Variants in RNF157 observed in about 807,000 individuals in gnomAD.
RNF157 encodes E3 ubiquitin ligase RNF157.
Under a neutral mutation model 88.3 loss-of-function variants are expected in RNF157, and 55 were observed. That is an observed-to-expected ratio of 0.62 (90% CI 0.50 to 0.78). The LOEUF (loss-of-function observed/expected upper bound fraction) is 0.78, where lower values mean the gene tolerates loss of function less well. Ranked by LOEUF, RNF157 falls within the 30% of genes least tolerant of loss-of-function variation. The pLI is 0.00. For synonymous variants in RNF157, 334 were observed against 341.2 expected, an observed-to-expected ratio of 0.98 and a Z score of 0.23; for missense variants, 788 against 860.8, an observed-to-expected ratio of 0.92 and a Z score of 1.06.
intron 2 of RNF157, among the ~76,000 whole-genome samples, chr17:76,178,584 A>G (rs1205688152): frequency 1.3e-5 from 2 of 152,370 alleles, no homozygotes; most frequent in East Asian, 3.9e-4. Flanking sequence ...GAACCTGTGC[A>G]AGGCACCACT....
chr17:76,186,350 AC>A (rs1222773168), intron 2 of RNF157, among the ~76,000 whole-genome samples: 6 of 151,658 alleles, frequency 4.0e-5, no homozygotes, highest in Admixed American at 6.6e-5. Flanking sequence ...TACTAAAAAT[AC>A]AAAAAATTAG....
At chr17:76,185,083 A>G (rs949288582) in intron 2 of RNF157, among the ~76,000 whole-genome samples, 5 of 152,228 alleles carry the variant, frequency 3.3e-5, no homozygotes, top group East Asian at 3.8e-4. Context: ...GATCCATTCT[A>G]TATCTCTCCT....
intron 1 of RNF157, among the ~76,000 whole-genome samples, chr17:76,238,543 C>A (rs1358018856): frequency 6.6e-6 from 1 of 152,178 alleles, no homozygotes; most frequent in Non-Finnish European, 1.5e-5. Context: ...TGGGGAACAG[C>A]CTTCCAGAGG....
At chr17:76,231,036 T>C (rs1191115997) in intron 1 of RNF157, among the ~76,000 whole-genome samples, 1 of 151,904 alleles carries the variant, frequency 6.6e-6, no homozygotes, top group Non-Finnish European at 1.5e-5. Flanking sequence ...CCTCCTGGGC[T>C]GAGGCGATCC....
At chr17:76,226,532 T>C in intron 1 of RNF157, 1 of 1,613,722 alleles carries the variant, frequency 6.2e-7, no homozygotes, top group African/African-American at 1.3e-5. Context: ...GTCGAACTCC[T>C]TCAAATCCAT....
Position 76,181,205 on chromosome 17 carries a change from T to C in RNF157, c.208-7415A>G, listed in dbSNP as rs545306728. Among the ~76,000 whole-genome samples, 33 of 152,284 alleles carry C rather than the reference T, an allele frequency of 2.2e-4. No individual in the cohort carries two copies. In the South Asian group the frequency reaches 6.4e-3, roughly 30 times the overall value. ...TAATCCTAGGAGTGTTCCAGGGACC[T>C]GAGCAGAGTTCGGGGAGTCTGAAAG... On this transcript the variant is annotated intron_variant, in intron 2 of 18. Coordinates refer to ENST00000269391, the MANE Select transcript of RNF157 (RefSeq NM_052916.3).
intron 2 of RNF157, among the ~76,000 whole-genome samples, chr17:76,198,819 T>C (rs2069521832): frequency 6.6e-6 from 1 of 152,192 alleles, no homozygotes; most frequent in African/African-American, 2.4e-5. Flanking sequence ...ACCAGGCCCC[T>C]TGGTCCAGGC....
intron 1 of RNF157, among the ~76,000 whole-genome samples, chr17:76,218,930 T>A (rs368185934): frequency 6.6e-6 from 1 of 150,792 alleles, no homozygotes; most frequent in East Asian, 1.9e-4. Flanking sequence ...CAAGACTCCA[T>A]CTCAAAAAAA....
In RNF157 at chr17:76,146,507, C is replaced by T; in HGVS notation, c.1922-1154G>A. 1 of 985,464 alleles carries T rather than the reference C, an allele frequency of 1.0e-6. No individual in the cohort carries two copies. Among genetic ancestry groups the T allele is most frequent in the Non-Finnish European group, 1.2e-6 (1 of 829,924 alleles). 61.0% of individuals were successfully genotyped at this position (985,464 alleles called of 1,614,324 possible). ...CTTGGGCCTCGGCTGCCTCCACTCT[C>T]AGGGTCCCCTGGCTCCCTGGGGTAG... On this transcript the variant is annotated intron_variant, in intron 18 of 18. Transcript: ENST00000269391. This position sits in a 1 kb window ranked among gnomAD's most constrained non-coding sequence, Gnocchi z 4.2.
intron 2 of RNF157, among the ~76,000 whole-genome samples, chr17:76,198,645 T>C (rs1182876940): frequency 6.6e-6 from 1 of 152,218 alleles, no homozygotes; most frequent in Non-Finnish European, 1.5e-5. Context: ...AAATCTCAGT[T>C]GGACAACTGG....
At chr17:76,232,925 TA>T (rs960549000) in intron 1 of RNF157, among the ~76,000 whole-genome samples, 17 of 134,988 alleles carry the variant, frequency 1.3e-4, no homozygotes, top group Admixed American at 5.1e-4. Flanking sequence ...AAATCTCGCA[TA>T]TTTTTTTTTT....
At chr17:76,191,678 G>A (rs559391733) in intron 2 of RNF157, among the ~76,000 whole-genome samples, 50 of 151,882 alleles carry the variant, frequency 3.3e-4, no homozygotes, top group African/African-American at 1.2e-3. Flanking sequence ...GAAGGCTGAC[G>A]TGGGAGGACT....
chr17:76,194,661 T>C (rs903193469), intron 2 of RNF157, among the ~76,000 whole-genome samples: 13 of 152,208 alleles, frequency 8.5e-5, no homozygotes, highest in Non-Finnish European at 2.9e-5. Flanking sequence ...CTCTGCTTTC[T>C]TCTGAATTGC....
At position 76,158,427 on chromosome 17, in the gene RNF157, A is replaced by G. The variant is rs746435667; in HGVS notation, c.1379T>C (p.Leu460Pro). The change falls in exon 13 of 19, where the codon CTC (leucine) becomes CCC (proline). Residue 460 changes from leucine (L) to proline (P), a missense_variant. Transcript: ENST00000269391. ...EHSCSESETQ[L>P]SQRPSVQHLG... ...ATGCTGAACCGACGGTCTCTGAGAG[A>G]GCTGTGTCTCCGACTCGCTGCAGGA... 6.2e-7 allele frequency: 1 copy of G among 1,613,684 alleles called. No homozygotes were observed. Among genetic ancestry groups the G allele is most frequent in the South Asian group, 1.1e-5 (1 of 91,078 alleles).
chr17:76,202,128 T>TCTCTCACACACACACA (rs1250661867), intron 2 of RNF157, among the ~76,000 whole-genome samples: 2 of 134,602 alleles, frequency 1.5e-5, no homozygotes, highest in Non-Finnish European at 3.1e-5. Flanking sequence ...TCTCTCTCTC[T>TCTCTCACACACACACA]CACACACACA....
intron 1 of RNF157, among the ~76,000 whole-genome samples, chr17:76,224,357 C>T (rs2070040545): frequency 6.6e-6 from 1 of 150,650 alleles, no homozygotes; most frequent in Non-Finnish European, 1.5e-5. Flanking sequence ...TGAATTATAA[C>T]AACATATAAT....
At chr17:76,145,401 T>G in intron 18 of RNF157, 48 bp from the exon 19 acceptor site, 1 of 1,452,234 alleles carries the variant, frequency 6.9e-7, no homozygotes, top group Non-Finnish European at 9.6e-7. Context: ...TTTGGCCAAA[T>G]CCAGATGGTG....
At chr17:76,204,786 T>C (rs868399405) in intron 2 of RNF157, among the ~76,000 whole-genome samples, 6 of 135,064 alleles carry the variant, frequency 4.4e-5, no homozygotes, top group East Asian at 1.9e-4. Flanking sequence ...TTCTTTCTTT[T>C]TTTTTTTTTT....
At position 76,232,355 on chromosome 17, in the gene RNF157, T is replaced by C. The variant is rs537804056; in HGVS notation, c.88+7798A>G. Among the ~76,000 whole-genome samples, 3 of 151,770 alleles carry C rather than the reference T, an allele frequency of 2.0e-5. No homozygotes were observed. In the South Asian group the frequency reaches 6.2e-4, roughly 32 times the overall value. ...GGGAGCTATGATCGCACCACTGCACTCCAGCCTGAGCACTTAGAGCAAGAC... is the reference window on the plus strand; with the variant it reads ...GGGAGCTATGATCGCACCACTGCACCCCAGCCTGAGCACTTAGAGCAAGAC... On this transcript the variant is annotated intron_variant, in intron 1 of 18. Transcript: ENST00000269391.
Sources: allele counts gnomAD v4.1 joint callset (sites outside exome capture counted in the v4.1 genomes callset), GRCh38; gene constraint gnomAD v4.1.1; non-coding constraint Gnocchi (gnomAD v3.1); transcripts MANE v1.5; gene names NCBI Gene and HGNC (gene_info 2026-07-23, HGNC 2026-07-21).